WDPCP: variants seen among roughly 807,000 people sequenced by gnomAD.
WDPCP encodes the protein WD repeat containing planar cell polarity effector, also known as WD repeat-containing and planar cell polarity effector protein fritz homolog.
Under a neutral mutation model 93.1 loss-of-function variants are expected in WDPCP, and 71 were observed. That is an observed-to-expected ratio of 0.76 (90% confidence interval 0.63 to 0.93). The LOEUF (loss-of-function observed/expected upper bound fraction) is 0.93. Among genes scored for constraint, WDPCP ranks in the 40% least tolerant of loss-of-function variants. WDPCP has a pLI of 0.00. For missense variants in WDPCP, 844 were observed against 887.4 expected (o/e 0.95, Z 0.62); for synonymous variants, 315 against 315.0 (o/e 1.00, Z 0.00).
chr2:63,434,242 G>A (rs952676028), intron 8 of WDPCP, among the ~76,000 whole-genome samples: 4 of 151,982 alleles, frequency 2.6e-5, no homozygotes, highest in East Asian at 1.9e-4. Flanking sequence ...TGACAGCATC[G>A]ACCTACACAT....
intron 14 of WDPCP, among the ~76,000 whole-genome samples, chr2:63,249,376 C>G (rs1480494133): frequency 6.6e-6 from 1 of 152,132 alleles, no homozygotes; most frequent in Non-Finnish European, 1.5e-5. Context: ...GTGATGTCAT[C>G]TTGAAGCAAA....
At chr2:63,355,915 C>T (rs1394950581) in intron 12 of WDPCP, among the ~76,000 whole-genome samples, 4 of 151,978 alleles carry the variant, frequency 2.6e-5, no homozygotes, top group African/African-American at 9.7e-5. Flanking sequence ...AAAAACCCCA[C>T]ATATATCAAT....
intron 12 of WDPCP, among the ~76,000 whole-genome samples, chr2:63,375,697 T>C (rs1691798631): frequency 6.6e-6 from 1 of 151,968 alleles, no homozygotes; most frequent in African/African-American, 2.4e-5. Flanking sequence ...AAAAATAAAA[T>C]TGTATATAAA....
At chr2:63,567,936 G>A (rs924506406) in intron 1 of WDPCP, among the ~76,000 whole-genome samples, 9 of 152,180 alleles carry the variant, frequency 5.9e-5, no homozygotes, top group Non-Finnish European at 1.0e-4. Context: ...CAATAAGTAT[G>A]TCTTTGAATT....
At chr2:63,720,392 G>A (rs1200045777) in intron 2 of WDPCP, among the ~76,000 whole-genome samples, 5 of 150,026 alleles carry the variant, frequency 3.3e-5, no homozygotes, top group Admixed American at 6.6e-5. Flanking sequence ...ACTCCAGCCC[G>A]GGTGACAGAG....
At chr2:63,508,309 C>T (rs1012953725) in intron 1 of WDPCP, among the ~76,000 whole-genome samples, 2 of 152,118 alleles carry the variant, frequency 1.3e-5, no homozygotes, top group Non-Finnish European at 2.9e-5. Flanking sequence ...GAATTTTCAA[C>T]CCAGAATTTC....
chr2:63,515,978 C>T lies in WDPCP; in HGVS notation c.76-23038G>A, dbSNP rs531586980. Reference sequence around the variant, plus strand: ...GAGGTTGCAGTGAGCCAAGATCACGCTATTGCACTCCAGCCTGTGCGATAC... The same window carrying T: ...GAGGTTGCAGTGAGCCAAGATCACGTTATTGCACTCCAGCCTGTGCGATAC... On this transcript the variant is annotated intron_variant, in intron 1 of 17. Transcript: ENST00000272321. Among the ~76,000 whole-genome samples, 369 of 150,524 alleles carry T rather than the reference C, an allele frequency of 2.5e-3. 1 individual carries two copies. Among genetic ancestry groups the T allele is most frequent in the African/African-American group, 8.5e-3 (349 of 40,822 alleles).
At position 63,404,211 on chromosome 2, in the gene WDPCP, C is replaced by G; in HGVS notation, c.1272G>C (p.Glu424Asp). 6.2e-7 allele frequency: 1 copy of G among 1,613,818 alleles called. No homozygotes were observed. Among genetic ancestry groups the G allele is most frequent in the Non-Finnish European group, 8.5e-7 (1 of 1,179,842 alleles). ...CAAATAATTTACTGAATTGCAGAGT[C>G]TCCCTGGGTAAGCGGTCTTCAGCCA... ...QLLAEDRLPRETLQFSKLFDA... is the reference protein window; with the variant it reads ...QLLAEDRLPRDTLQFSKLFDA... Residue 424 changes from glutamate to aspartate, a missense_variant, in exon 10 of 18, where the codon GAG becomes GAC. Physicochemically the swap from Glu to Asp is conservative, Grantham distance 45. Transcript: ENST00000272321.
chr2:63,751,588 C>T lies in WDPCP; in HGVS notation n.308+62034G>A, dbSNP rs1316210324. The T allele has an allele frequency of 1.1e-5, 5 of 452,162 alleles. No individual in the cohort carries two copies. The East Asian group carries it at 3.2e-4, about 29-fold the overall frequency. The allele number at this position is 452,162 out of a possible 1,614,324, so 28.0% of individuals were successfully genotyped here. A position where few individuals can be genotyped will look rare whatever the true frequency, so the allele number is the denominator to read the frequency against. On this transcript the variant is annotated intron_variant and non_coding_transcript_variant, in intron 2 of 4. Transcript: ENST00000467687. ...TTTTTTTTATAGCAGCTAGGCCCTG[C>T]CACCACTGTGCTTGGTTGAGTTCAC... is the stretch of plus-strand genomic sequence containing the variant.
At chr2:63,178,925 A>T (rs889566238) in intron 14 of WDPCP, among the ~76,000 whole-genome samples, 24 of 152,064 alleles carry the variant, frequency 1.6e-4, no homozygotes, top group Admixed American at 5.2e-4. Flanking sequence ...TCCAAATCTC[A>T]TGTTGAGATG....
At chr2:63,661,717 C>T (rs1323456011) in intron 2 of WDPCP, among the ~76,000 whole-genome samples, 1 of 152,082 alleles carries the variant, frequency 6.6e-6, no homozygotes, top group Non-Finnish European at 1.5e-5. Context: ...ATCTACGAAA[C>T]AAACAAAATA....
intron 1 of WDPCP, among the ~76,000 whole-genome samples, chr2:63,549,247 C>CAAAA (rs60864094): frequency 2.2e-4 from 19 of 87,626 alleles, no homozygotes; most frequent in Non-Finnish European, 3.0e-4. Context: ...GAGACTGTCT[C>CAAAA]AAAAAAAAAA....
intron 1 of WDPCP, among the ~76,000 whole-genome samples, chr2:63,561,624 A>G (rs1257119155): frequency 6.6e-6 from 1 of 152,260 alleles, no homozygotes; most frequent in Non-Finnish European, 1.5e-5. Context: ...TTTGCAATCT[A>G]TCCATCTGAC....
intron 2 of WDPCP, among the ~76,000 whole-genome samples, chr2:63,755,694 A>C (rs1669957621): frequency 6.6e-6 from 1 of 152,236 alleles, no homozygotes; most frequent in Non-Finnish European, 1.5e-5. Flanking sequence ...TAAAAATCCA[A>C]CATCTTAGTC....
At chr2:63,758,266 G>A (rs80215166) in intron 2 of WDPCP, among the ~76,000 whole-genome samples, 41 of 152,000 alleles carry the variant, frequency 2.7e-4, no homozygotes, top group Non-Finnish European at 4.7e-4. Flanking sequence ...GAGGTGTTTC[G>A]AGGAGGCCAC....
At chr2:63,589,055 G>A (rs1313904771), upstream of WDPCP, 1 of 1,614,078 alleles carries the variant, frequency 6.2e-7, no homozygotes, top group Admixed American at 1.7e-5. Context: ...TGGTGAGTGT[G>A]GGCCCCGGGT....
intron 7 of WDPCP, 48 bp downstream of exon 7, chr2:63,439,709 T>A (rs762007866): frequency 1.3e-6 from 2 of 1,520,342 alleles, no homozygotes; most frequent in Non-Finnish European, 1.8e-6. Context: ...CTATTTCTCC[T>A]GCCCCACTGT....
At chr2:63,502,142 T>C (rs1264927583) in intron 1 of WDPCP, among the ~76,000 whole-genome samples, 1 of 152,222 alleles carries the variant, frequency 6.6e-6, no homozygotes, top group African/African-American at 2.4e-5. Flanking sequence ...GTTCATTTTG[T>C]GTTTTTATAA....
chr2:63,652,426 G>A (rs761897169), intron 2 of WDPCP, among the ~76,000 whole-genome samples: 4 of 152,208 alleles, frequency 2.6e-5, no homozygotes, highest in Non-Finnish European at 5.9e-5. Context: ...GCAAGCAAAG[G>A]TGTGTTTTTA....
Sources: allele counts gnomAD v4.1 joint callset (sites outside exome capture counted in the v4.1 genomes callset), GRCh38; gene constraint gnomAD v4.1.1; transcripts MANE v1.5; gene names NCBI Gene and HGNC (gene_info 2026-07-23, HGNC 2026-07-21).